Variants in UNC80 observed in about 807,000 individuals in gnomAD.
The protein encoded by UNC80 is unc-80 subunit of NALCN channel complex.
A neutral mutation model predicts 384.6 loss-of-function variants in UNC80; 164 were observed. That is an observed-to-expected ratio of 0.43 (90% confidence interval 0.38 to 0.49). The LOEUF (loss-of-function observed/expected upper bound fraction) is 0.49. UNC80 is among the 20% of genes least tolerant of loss of function. UNC80 has a pLI of 0.00. For synonymous variants in UNC80, 1,486 were observed against 1,527.8 expected, an observed-to-expected ratio of 0.97 and a Z score of 0.64; for missense variants, 3,330 against 4,143.0, an observed-to-expected ratio of 0.80 and a Z score of 5.39.
chr2:209,919,302 T>G (rs1011908190), intron 33 of UNC80, among the ~76,000 whole-genome samples: 3 of 152,116 alleles, frequency 2.0e-5, no homozygotes, highest in Non-Finnish European at 4.4e-5. Context: ...ATGTAGAAAA[T>G]TTGGAAAATA....
chr2:209,834,269 A>G (rs565049864), intron 17 of UNC80, 101 bp downstream of exon 17: 50 of 1,281,448 alleles, frequency 3.9e-5, no homozygotes, highest in African/African-American at 2.0e-4. Flanking sequence ...ATGTCAGCAT[A>G]GGAATGGTAA....
At chr2:209,945,286 G>A in intron 46 of UNC80, 97 bp downstream of exon 46, 1 of 1,219,958 alleles carries the variant, frequency 8.2e-7, no homozygotes, top group Non-Finnish European at 1.1e-6. Flanking sequence ...TTATATGTGT[G>A]TGTATATATA....
At chr2:209,900,361 A>C (rs1349061309) in intron 28 of UNC80, among the ~76,000 whole-genome samples, 2 of 151,986 alleles carry the variant, frequency 1.3e-5, no homozygotes, top group African/African-American at 4.8e-5. Context: ...AGGCTTTTTC[A>C]TGATTGTCGT....
In UNC80 at chr2:209,775,986, C is replaced by G; in HGVS notation, c.239C>G (p.Ala80Gly). Residue 80 changes from alanine to glycine, a missense_variant, in exon 3 of 65, where the codon GCT becomes GGT. Ala to Gly is a moderately conservative substitution (Grantham distance 60). This residue lies in a region of UNC80 where 86 missense variants were observed against 141.5 expected (regional missense o/e 0.61). Coordinates refer to ENST00000673920, the MANE Select transcript of UNC80 (RefSeq NM_001371986.1). ...QSISRWELVQ[A>G]ALPHVLHCTA... ...ATTTCCAGATGGGAACTGGTGCAAG[C>G]TGCTTTGCCTCATGTCCTCCACTGC... The G allele has an allele frequency of 6.2e-7, 1 of 1,614,196 alleles. No individual in the cohort carries two copies. The highest frequency in any genetic ancestry group is 8.5e-7 in the Non-Finnish European group (1 of 1,180,042).
intron 8 of UNC80, 42 bp from the exon 9 acceptor site, chr2:209,815,205 AGTATTTGGAT>A (rs1465176614): frequency 1.7e-5 from 26 of 1,511,822 alleles, no homozygotes; most frequent in Non-Finnish European, 2.2e-5. Context: ...CAATAAGAAC[AGTATTTGGAT>A]GTAAAGTCCT....
chr2:209,772,011 C>A lies in UNC80; in HGVS notation c.-62C>A. 1 of 1,251,726 alleles carries A rather than the reference C, an allele frequency of 8.0e-7. No homozygotes were observed. Among genetic ancestry groups the A allele is most frequent in the Non-Finnish European group, 1.1e-6 (1 of 877,922 alleles). 77.5% of individuals were successfully genotyped at this position (1,251,726 alleles called of 1,614,324 possible). ...AGTTGGGAGCAGCGGGAGGAGGCGG[C>A]GGCGGCGGCTAGCGAGGAGACAGAG... is the stretch of plus-strand genomic sequence containing the variant. On this transcript the variant is annotated 5_prime_UTR_variant, in exon 1 of 65. Coordinates refer to ENST00000673920, the MANE Select transcript of UNC80 (RefSeq NM_001371986.1).
At chr2:209,877,210 G>GT (rs944462130) in intron 23 of UNC80, among the ~76,000 whole-genome samples, 1 of 152,106 alleles carries the variant, frequency 6.6e-6, no homozygotes, top group Admixed American at 6.5e-5. Flanking sequence ...TAGAGATAGT[G>GT]TTTTTTGTCT....
rs1364795387 is a variant in UNC80, at chr2:209,935,943, GCC to G, written c.6273+138_6273+139del. The G allele has an allele frequency of 4.9e-5, 28 of 566,738 alleles. No individual in the cohort carries two copies. In the East Asian group the frequency reaches 5.0e-4, roughly 10 times the overall value. 35.1% of individuals were successfully genotyped at this position (566,738 alleles called of 1,614,324 possible). A position where few individuals can be genotyped will look rare whatever the true frequency, so the allele number is the denominator to read the frequency against. On this transcript the variant is annotated intron_variant, in intron 40 of 64. Transcript: ENST00000673920. ...GCATTTCTTTACTCTTCTAAAATCT[GCC>G]CCACTATTATTTCCTTATGCTATTT... is the stretch of plus-strand genomic sequence containing the variant.
rs2081170859 is a variant in UNC80 at position 209,833,905 on chromosome 2, T to C, written c.2776-97T>C. On this transcript the variant is annotated intron_variant, in intron 16 of 64. Transcript: ENST00000673920. ...TGTCTTAATGATTCCAATGCTCATC[T>C]AAGCCTAAGGAATTACTTTCTTCCT... 5 of 1,241,912 alleles carry C rather than the reference T, an allele frequency of 4.0e-6. No homozygotes were observed. The South Asian group carries it at 6.0e-5, about 15-fold the overall frequency. 76.9% of individuals were successfully genotyped at this position (1,241,912 alleles called of 1,614,324 possible). A position where few individuals can be genotyped will look rare whatever the true frequency, so the allele number is the denominator to read the frequency against.
intron 5 of UNC80, among the ~76,000 whole-genome samples, chr2:209,788,306 C>T (rs1436824621): frequency 6.6e-6 from 1 of 151,616 alleles, no homozygotes; most frequent in African/African-American, 2.4e-5. Flanking sequence ...ATCCCAGCTA[C>T]TTGGGAAGGC....
intron 62 of UNC80, among the ~76,000 whole-genome samples, 197 bp from the exon 63 acceptor site, chr2:209,993,118 G>C (rs1302442898): frequency 6.6e-6 from 1 of 152,130 alleles, no homozygotes; most frequent in Non-Finnish European, 1.5e-5. Context: ...ATATATAAAG[G>C]ACTAATAATT....
intron 36 of UNC80, 147 bp downstream of exon 36, chr2:209,927,133 T>C: frequency 3.0e-6 from 3 of 989,620 alleles, no homozygotes; most frequent in Non-Finnish European, 4.4e-6. Flanking sequence ...TGTAACATAC[T>C]GCGCTAACAG....
intron 33 of UNC80, among the ~76,000 whole-genome samples, chr2:209,920,407 T>C (rs1450815780): frequency 6.6e-6 from 1 of 152,020 alleles, no homozygotes; most frequent in Non-Finnish European, 1.5e-5. Flanking sequence ...CAGTGATCAC[T>C]TCCCTGCTCA....
chr2:209,775,753 T>G, intron 2 of UNC80, 136 bp from the exon 3 acceptor site: 2 of 723,146 alleles, frequency 2.8e-6, no homozygotes, highest in Non-Finnish European at 4.3e-6. Flanking sequence ...CTAAAGAATT[T>G]GGTCCAGTAA....
At chr2:209,956,972 A>G (rs770223650) in intron 48 of UNC80, among the ~76,000 whole-genome samples, 22 of 152,182 alleles carry the variant, frequency 1.4e-4, no homozygotes, top group Non-Finnish European at 2.9e-4. Flanking sequence ...TGATTTCATA[A>G]AAGCAGTTGC....
chr2:209,878,265 G>A (rs1397358429), intron 24 of UNC80, among the ~76,000 whole-genome samples, 176 bp downstream of exon 24: 1 of 152,160 alleles, frequency 6.6e-6, no homozygotes, highest in Admixed American at 6.5e-5. Flanking sequence ...GCCACACAGA[G>A]ACAAGGCAAG....
At chr2:209,794,790 A>G (rs2078051383) in intron 7 of UNC80, 1 of 455,048 alleles carries the variant, frequency 2.2e-6, no homozygotes, top group Non-Finnish European at 4.4e-6. Context: ...CCACCACCAT[A>G]TAAGAAGCAC....
Position 209,817,030 on chromosome 2 carries a change from C to G in UNC80, c.1457C>G (p.Ser486Cys). Residue 486 changes from serine to cysteine, a missense_variant, in exon 10 of 65, where the codon TCC becomes TGC. Around this residue, in one of 8 missense-constraint regions of UNC80, gnomAD observed 937 missense variants for 1,026.8 expected, o/e 0.91. Transcript: ENST00000673920. ...FLLHEDHLDV[S>C]PTRSTFSFGS... is the part of the protein sequence containing the mutation. ...CTTCACGAGGACCACCTGGATGTGT[C>G]CCCCACGCGCAGCACATTCTCCTTT... 1 of 1,551,694 alleles carries G rather than the reference C, an allele frequency of 6.4e-7. No individual in the cohort carries two copies. The highest frequency in any genetic ancestry group is 8.7e-7 in the Non-Finnish European group (1 of 1,146,992).
intron 21 of UNC80, 34 bp downstream of exon 21, chr2:209,842,480 C>G: frequency 7.0e-7 from 1 of 1,438,488 alleles, no homozygotes; most frequent in Non-Finnish European, 9.5e-7. Flanking sequence ...TTCTATTCAA[C>G]TTTTATCACA....
Sources: gnomAD v4.1 joint callset for allele counts (sites outside exome capture counted in the v4.1 genomes callset) on GRCh38, gnomAD v4.1.1 for gene constraint, gnomAD v4.1.1 regional missense constraint, MANE v1.5 for transcripts, NCBI Gene and HGNC (gene_info 2026-07-23, HGNC 2026-07-21) for gene names.